The following CLSTN2 variants were observed in gnomAD, a reference collection of about 807,000 sequenced individuals.
CLSTN2 encodes the protein calsyntenin-2.
In CLSTN2, 48 loss-of-function variants were observed where a neutral mutation model predicts 101.2. The observed-to-expected ratio is 0.47, with a 90% CI of 0.38 to 0.60. The LOEUF is 0.60. Ranked by LOEUF, CLSTN2 falls within the 20% of genes least tolerant of loss-of-function variation. CLSTN2 has a pLI of 0.00. For synonymous variants in CLSTN2, 481 were observed against 463.6 expected (o/e 1.04, Z -0.48); for missense variants, 1,160 against 1,238.2 (o/e 0.94, Z 0.95).
chr3:139,985,847 A>G (rs112598211), intron 1 of CLSTN2, among the ~76,000 whole-genome samples: 18 of 152,318 alleles, frequency 1.2e-4, no homozygotes, highest in African/African-American at 4.1e-4. Flanking sequence ...GCCATTCAGT[A>G]TGGTAGTTAC....
chr3:140,212,616 C>A (rs1026047616), intron 2 of CLSTN2, among the ~76,000 whole-genome samples: 3 of 152,214 alleles, frequency 2.0e-5, no homozygotes, highest in African/African-American at 7.2e-5. Flanking sequence ...AAGTTTGTAA[C>A]CTGGCCCATA....
At chr3:140,509,312 C>G (rs1324648575) in intron 8 of CLSTN2, among the ~76,000 whole-genome samples, 1 of 152,142 alleles carries the variant, frequency 6.6e-6, no homozygotes, top group Non-Finnish European at 1.5e-5. Flanking sequence ...CAAACTTAAC[C>G]ACACCAAAAC....
At chr3:140,137,698 AT>A (rs1259421115) in intron 1 of CLSTN2, among the ~76,000 whole-genome samples, 1 of 152,284 alleles carries the variant, frequency 6.6e-6, no homozygotes, top group East Asian at 1.9e-4. Context: ...TATTTACATA[AT>A]GCTTTGCCGT....
chr3:140,128,536 G>A (rs961463986), intron 1 of CLSTN2, among the ~76,000 whole-genome samples: 2 of 152,192 alleles, frequency 1.3e-5, no homozygotes, highest in Middle Eastern at 3.2e-3. Flanking sequence ...ATAGTGGAAT[G>A]AAGTGATCAC....
At chr3:140,272,150 C>G (rs1559825209) in intron 2 of CLSTN2, among the ~76,000 whole-genome samples, 1 of 152,074 alleles carries the variant, frequency 6.6e-6, no homozygotes, top group Non-Finnish European at 1.5e-5. Context: ...TTATTTTGCT[C>G]GTGTCTAGAT....
rs1468408593 is a variant in CLSTN2, at chr3:140,353,493, G to T, written c.233-50136G>T. Among the ~76,000 whole-genome samples, 4 of 152,048 alleles carry T rather than the reference G, an allele frequency of 2.6e-5. No homozygotes were observed. The East Asian group carries it at 7.7e-4, about 29-fold the overall frequency. On this transcript the variant is annotated intron_variant, in intron 2 of 16. Coordinates refer to ENST00000458420, the MANE Select transcript of CLSTN2 (RefSeq NM_022131.3). ...ATATTTGCTGGCAGCTGATTAGATG[G>T]TGCCCACCAGATTAAGGGGTGGGTC...
chr3:140,454,586 T>G (rs887154277), intron 6 of CLSTN2: 1 of 152,224 alleles, frequency 6.6e-6, no homozygotes, highest in African/African-American at 2.4e-5. Flanking sequence ...TAAGACAGGT[T>G]ATGCTGTAGT....
At position 140,122,183 on chromosome 3, in the gene CLSTN2, T is replaced by C. The variant is rs888580947; in HGVS notation, c.110-53768T>C. 5.9e-5 allele frequency among the ~76,000 whole-genome samples: 9 copies of C among 152,310 alleles called. No individual in the cohort carries two copies. In the East Asian group the frequency reaches 1.3e-3, roughly 23 times the overall value. On this transcript the variant is annotated intron_variant, in intron 1 of 16. Coordinates refer to ENST00000458420, the MANE Select transcript of CLSTN2 (RefSeq NM_022131.3). ...ACTTAGGTTTGACTACAATTATGGC[T>C]TCCATGGGTGCACACCAGCTTTCAG...
intron 1 of CLSTN2, among the ~76,000 whole-genome samples, chr3:140,171,784 A>G (rs1410734112): frequency 1.4e-5 from 1 of 71,504 alleles, no homozygotes; most frequent in Admixed American, 1.8e-4. Context: ...TGTATTATAT[A>G]ATATATAATA....
At chr3:140,493,954 G>T (rs914231920) in intron 8 of CLSTN2, among the ~76,000 whole-genome samples, 1 of 152,118 alleles carries the variant, frequency 6.6e-6, no homozygotes, top group Non-Finnish European at 1.5e-5. Context: ...TTAATAAAGG[G>T]TGATGTTGAG....
At chr3:140,116,783 C>A (rs2009250448) in intron 1 of CLSTN2, among the ~76,000 whole-genome samples, 1 of 152,112 alleles carries the variant, frequency 6.6e-6, no homozygotes, top group Non-Finnish European at 1.5e-5. Flanking sequence ...CAGAAGAGAG[C>A]CTGAGTTGGT....
intron 2 of CLSTN2, among the ~76,000 whole-genome samples, chr3:140,259,788 A>G (rs765957772): frequency 6.6e-6 from 1 of 152,162 alleles, no homozygotes; most frequent in Non-Finnish European, 1.5e-5. Context: ...GGATTCATCC[A>G]TGTTTTAGGA....
At chr3:140,466,509 T>C (rs1681198684) in intron 7 of CLSTN2, 101 bp from the exon 8 acceptor site, 1 of 1,434,350 alleles carries the variant, frequency 7.0e-7, no homozygotes, top group Admixed American at 1.7e-5. Context: ...GCCCATGCCT[T>C]TGTCCTCTGT....
chr3:140,367,072 G>A lies in CLSTN2; in HGVS notation c.233-36557G>A, dbSNP rs150502915. ...CACCACCAGATTCCAGCCCTCCCAC[G>A]CTATGCTGGATGATCCACAGGTACA... On this transcript the variant is annotated intron_variant, in intron 2 of 16. Coordinates refer to ENST00000458420, the MANE Select transcript of CLSTN2 (RefSeq NM_022131.3). Among the ~76,000 whole-genome samples the A allele has an allele frequency of 4.9e-4, 75 of 152,308 alleles. 1 individual carries two copies. In the East Asian group the frequency reaches 0.013, roughly 26 times the overall value.
At chr3:140,370,911 A>G (rs1270639141) in intron 2 of CLSTN2, among the ~76,000 whole-genome samples, 1 of 152,182 alleles carries the variant, frequency 6.6e-6, no homozygotes, top group Non-Finnish European at 1.5e-5. Context: ...GGACAAGCCA[A>G]ACACATGACA....
intron 2 of CLSTN2, among the ~76,000 whole-genome samples, chr3:140,295,394 T>C (rs2086993530): frequency 6.6e-6 from 1 of 152,174 alleles, no homozygotes; most frequent in African/African-American, 2.4e-5. Flanking sequence ...TTTCAATCTG[T>C]TTGTCATAGT....
intron 1 of CLSTN2, among the ~76,000 whole-genome samples, chr3:140,068,632 T>C (rs888540384): frequency 1.3e-5 from 2 of 152,236 alleles, no homozygotes; most frequent in African/African-American, 4.8e-5. Flanking sequence ...TTTAGAATCA[T>C]CCTGACAAGA....
chr3:140,556,469 A>G, intron 10 of CLSTN2, 44 bp from the exon 11 acceptor site: 10 of 1,607,636 alleles, frequency 6.2e-6, no homozygotes, highest in Non-Finnish European at 8.5e-6. Flanking sequence ...AACCATGTAC[A>G]TCACTGACCA....
At chr3:140,078,927 A>C (rs1022343180) in intron 1 of CLSTN2, among the ~76,000 whole-genome samples, 2 of 152,200 alleles carry the variant, frequency 1.3e-5, no homozygotes, top group Admixed American at 1.3e-4. Flanking sequence ...AAGGGAATTG[A>C]GATAGGAATA....
Sources: allele counts gnomAD v4.1 joint callset (sites outside exome capture counted in the v4.1 genomes callset), GRCh38; gene constraint gnomAD v4.1.1; transcripts MANE v1.5; gene names NCBI Gene and HGNC (gene_info 2026-07-23, HGNC 2026-07-21).